ULK4: variants seen among roughly 807,000 people sequenced by gnomAD.
ULK4 encodes unc-51 like kinase 4, also known as inactive serine/threonine-protein kinase ULK4.
ULK4 carries 133 observed loss-of-function variants against 160.6 expected under a neutral mutation model. That is an observed-to-expected ratio of 0.83 (90% CI 0.72 to 0.96). The LOEUF (loss-of-function observed/expected upper bound fraction) is 0.96, where lower values mean the gene tolerates loss of function less well. ULK4 is among the 40% of genes least tolerant of loss of function. The pLI, the probability that ULK4 is intolerant of heterozygous loss-of-function variation, is 0.00. For missense variants in ULK4, 1,580 were observed against 1,499.5 expected (o/e 1.05, Z -0.89); for synonymous variants, 534 against 539.8 (o/e 0.99, Z 0.15).
At chr3:41,800,377 G>T in intron 19 of ULK4, 84 bp from the exon 20 acceptor site, 1 of 1,394,818 alleles carries the variant, frequency 7.2e-7, no homozygotes, top group Non-Finnish European at 9.9e-7. Context: ...ATAATGTTAT[G>T]ATACCAAGAC....
At chr3:41,676,890 C>T (rs574836135) in intron 29 of ULK4, among the ~76,000 whole-genome samples, 15 of 149,322 alleles carry the variant, frequency 1.0e-4, no homozygotes, top group Admixed American at 3.4e-4. Flanking sequence ...GCCTGGGGTG[C>T]CTGCCCCCAC....
chr3:41,351,861 T>G (rs1410229934), intron 35 of ULK4, among the ~76,000 whole-genome samples: 1 of 152,204 alleles, frequency 6.6e-6, no homozygotes, highest in Admixed American at 6.5e-5. Context: ...TCCCCCTGTC[T>G]AGGTCATCTG....
At chr3:41,332,104 A>G (rs1356469867) in intron 35 of ULK4, among the ~76,000 whole-genome samples, 1 of 152,072 alleles carries the variant, frequency 6.6e-6, no homozygotes, top group African/African-American at 2.4e-5. Flanking sequence ...TTAAAAGTTC[A>G]TGACTCTTTC....
At chr3:41,311,984 A>ATT (rs554869650) in intron 35 of ULK4, among the ~76,000 whole-genome samples, 101 of 150,502 alleles carry the variant, frequency 6.7e-4, no homozygotes, top group African/African-American at 2.4e-3. Context: ...ATTTTATTTT[A>ATT]TTTTTTAGCA....
chr3:41,582,015 T>C (rs1396695506), intron 31 of ULK4, among the ~76,000 whole-genome samples: 8 of 152,162 alleles, frequency 5.3e-5, no homozygotes, highest in African/African-American at 1.2e-4. Context: ...ATCTTGGTGA[T>C]AGGATTTAGC....
At chr3:41,444,491 T>G (rs2083250136) in intron 34 of ULK4, among the ~76,000 whole-genome samples, 1 of 152,218 alleles carries the variant, frequency 6.6e-6, no homozygotes, top group East Asian at 1.9e-4. Flanking sequence ...TCTGCCCAAT[T>G]CTCACATCAG....
At chr3:41,394,766 C>G (rs762884542) in intron 35 of ULK4, among the ~76,000 whole-genome samples, 12 of 152,100 alleles carry the variant, frequency 7.9e-5, no homozygotes, top group Non-Finnish European at 1.6e-4. Flanking sequence ...ACTGAGTTGA[C>G]TGGGGCCCCT....
At chr3:41,632,664 T>C (rs1052078757) in intron 30 of ULK4, among the ~76,000 whole-genome samples, 13 of 151,922 alleles carry the variant, frequency 8.6e-5, no homozygotes, top group Admixed American at 6.6e-5. Flanking sequence ...GCAGTAAACA[T>C]GGATTGCACA....
chr3:41,827,712 C>A (rs1347932738), intron 18 of ULK4, among the ~76,000 whole-genome samples: 3 of 152,128 alleles, frequency 2.0e-5, no homozygotes, highest in Non-Finnish European at 2.9e-5. Context: ...CCAAAATCTA[C>A]CAGAGGTACA....
At chr3:41,722,933 G>T (rs2037525211) in intron 22 of ULK4, among the ~76,000 whole-genome samples, 2 of 152,082 alleles carry the variant, frequency 1.3e-5, no homozygotes, top group Admixed American at 6.5e-5. Context: ...AGTTGCTAGG[G>T]TACATGTATA....
chr3:41,744,894 T>A (rs1368064421), intron 22 of ULK4, among the ~76,000 whole-genome samples: 1 of 151,410 alleles, frequency 6.6e-6, no homozygotes, highest in East Asian at 1.9e-4. Flanking sequence ...AAACTATATA[T>A]CAATAACATA....
intron 32 of ULK4, among the ~76,000 whole-genome samples, chr3:41,533,180 A>G (rs2086381283): frequency 1.3e-5 from 2 of 151,436 alleles, no homozygotes; most frequent in African/African-American, 4.8e-5. Flanking sequence ...CATGCTGCCA[A>G]AGCACACAAC....
intron 31 of ULK4, among the ~76,000 whole-genome samples, chr3:41,573,928 G>A (rs1490229309): frequency 6.6e-6 from 1 of 152,120 alleles, no homozygotes; most frequent in Non-Finnish European, 1.5e-5. Context: ...AGGGGAAGAG[G>A]ACACATTTCC....
chr3:41,770,710 G>C (rs139382985), intron 21 of ULK4, among the ~76,000 whole-genome samples: 6 of 151,696 alleles, frequency 4.0e-5, no homozygotes, highest in Non-Finnish European at 8.8e-5. Flanking sequence ...ACAGGGTCTC[G>C]CCATGTTGGC....
intron 32 of ULK4, among the ~76,000 whole-genome samples, chr3:41,546,822 G>A (rs2086880476): frequency 6.9e-6 from 1 of 145,348 alleles, no homozygotes; most frequent in African/African-American, 2.5e-5. Flanking sequence ...CACCTCACGT[G>A]TTTCACTCCA....
chr3:41,454,995 T>C (rs553502745), intron 34 of ULK4, among the ~76,000 whole-genome samples: 1 of 152,308 alleles, frequency 6.6e-6, no homozygotes, highest in South Asian at 2.1e-4. Context: ...GTCCAAACTC[T>C]GAATTTCTGT....
At chr3:41,954,986 C>T (rs1039878449) in intron 1 of ULK4, among the ~76,000 whole-genome samples, 179 bp from the exon 2 acceptor site, 2 of 152,122 alleles carry the variant, frequency 1.3e-5, no homozygotes, top group African/African-American at 4.8e-5. Context: ...AACGAAACTA[C>T]GGGGCAAATA....
intron 35 of ULK4, among the ~76,000 whole-genome samples, chr3:41,335,389 A>C (rs2080532997): frequency 6.6e-6 from 1 of 152,212 alleles, no homozygotes; most frequent in South Asian, 2.1e-4. Flanking sequence ...TTATTTAATA[A>C]GTTCCTGACT....
intron 11 of ULK4, among the ~76,000 whole-genome samples, chr3:41,910,789 G>A (rs1008270101): frequency 6.6e-6 from 1 of 151,968 alleles, no homozygotes; most frequent in African/African-American, 2.4e-5. Flanking sequence ...GAGCAACACG[G>A]CAAAACACCA....
Sources: allele counts gnomAD v4.1 joint callset (sites outside exome capture counted in the v4.1 genomes callset), GRCh38; gene constraint gnomAD v4.1.1; transcripts MANE v1.5; gene names NCBI Gene and HGNC (gene_info 2026-07-23, HGNC 2026-07-21).